The following TMPRSS15 variants were observed in gnomAD, a reference collection of about 807,000 sequenced individuals.
TMPRSS15 encodes enteropeptidase.
TMPRSS15 carries 128 observed loss-of-function variants against 125.3 expected under a neutral mutation model. The ratio of observed to expected loss-of-function variants is 1.02; its 90% CI spans 0.89 to 1.18. The LOEUF (loss-of-function observed/expected upper bound fraction) is 1.18. TMPRSS15 is among the 50% of genes most tolerant of loss of function. The pLI is 0.00. For synonymous variants in TMPRSS15, 446 were observed against 423.2 expected (o/e 1.05, Z -0.66); for missense variants, 1,283 against 1,212.7 (o/e 1.06, Z -0.86).
At chr21:18,326,863 T>C (rs1338236730) in intron 15 of TMPRSS15, among the ~76,000 whole-genome samples, 1 of 152,250 alleles carries the variant, frequency 6.6e-6, no homozygotes, top group South Asian at 2.1e-4. Flanking sequence ...TCAAAGCTCA[T>C]GTTATCCCAG....
At chr21:18,330,562 T>C (rs2075334552) in intron 14 of TMPRSS15, among the ~76,000 whole-genome samples, 2 of 152,200 alleles carry the variant, frequency 1.3e-5, no homozygotes, top group South Asian at 4.1e-4. Context: ...TAACAGTATT[T>C]TGGACATTTT....
chr21:18,413,848 C>T (rs1016958704), intron 1 of TMPRSS15, among the ~76,000 whole-genome samples: 2 of 152,140 alleles, frequency 1.3e-5, no homozygotes, highest in Non-Finnish European at 2.9e-5. Context: ...CCACCTCAGC[C>T]TCCTGAGTAG....
At chr21:18,291,797 G>A (rs889047308) in intron 21 of TMPRSS15, among the ~76,000 whole-genome samples, 5 of 152,110 alleles carry the variant, frequency 3.3e-5, no homozygotes, top group African/African-American at 4.8e-5. Flanking sequence ...AGTAAAATGC[G>A]TGGTTGGTAA....
At chr21:18,423,232 C>T (rs980149355) in intron 1 of TMPRSS15, among the ~76,000 whole-genome samples, 10 of 152,082 alleles carry the variant, frequency 6.6e-5, no homozygotes, top group Non-Finnish European at 4.4e-5. Context: ...TTGCCTCCTC[C>T]CCCAACTGCC....
At chr21:18,444,990 G>A (rs1399439433) in intron 1 of TMPRSS15, among the ~76,000 whole-genome samples, 1 of 151,986 alleles carries the variant, frequency 6.6e-6, no homozygotes, top group Non-Finnish European at 1.5e-5. Flanking sequence ...CATTAAGAGT[G>A]GCAAAACTTT....
intron 3 of TMPRSS15, among the ~76,000 whole-genome samples, chr21:18,387,403 C>G (rs113266955): frequency 1.7e-4 from 26 of 152,170 alleles, no homozygotes; most frequent in African/African-American, 6.0e-4. Flanking sequence ...GTAAACAAGT[C>G]TTTCCTTTCC....
chr21:18,469,319 T>G (rs1020065712), intron 1 of TMPRSS15, among the ~76,000 whole-genome samples: 3 of 152,180 alleles, frequency 2.0e-5, no homozygotes, highest in Non-Finnish European at 4.4e-5. Flanking sequence ...CTTATCTAAA[T>G]TTAATTATGC....
intron 21 of TMPRSS15, among the ~76,000 whole-genome samples, chr21:18,282,937 T>G (rs969848316): frequency 1.3e-5 from 2 of 152,178 alleles, no homozygotes; most frequent in African/African-American, 4.8e-5. Flanking sequence ...AGATAAGCTC[T>G]GCTGTTGCTT....
intron 18 of TMPRSS15, among the ~76,000 whole-genome samples, chr21:18,310,479 C>T (rs1002083778): frequency 1.2e-4 from 18 of 151,430 alleles, no homozygotes; most frequent in African/African-American, 3.6e-4. Flanking sequence ...AAAAAACAAA[C>T]ACCTAGAAAT....
intron 3 of TMPRSS15, among the ~76,000 whole-genome samples, chr21:18,394,761 TAAA>T (rs376872916): frequency 4.9e-4 from 75 of 152,220 alleles, no homozygotes; most frequent in African/African-American, 1.8e-3. Flanking sequence ...ATCTAAATGA[TAAA>T]AAAGCCCCTT....
chr21:18,310,467 A>C (rs949067089), intron 18 of TMPRSS15, among the ~76,000 whole-genome samples: 24 of 146,898 alleles, frequency 1.6e-4, no homozygotes, highest in Admixed American at 1.5e-3. Context: ...AACAATCACA[A>C]AAAAAAACAA....
chr21:18,450,054 T>C (rs1441335838), intron 1 of TMPRSS15, among the ~76,000 whole-genome samples: 1 of 152,178 alleles, frequency 6.6e-6, no homozygotes, highest in Non-Finnish European at 1.5e-5. Context: ...TTAAGTATTT[T>C]ATTTTCAACT....
chr21:18,345,695 C>G (rs1318887667), intron 10 of TMPRSS15, among the ~76,000 whole-genome samples: 2 of 115,966 alleles, frequency 1.7e-5, no homozygotes, highest in African/African-American at 6.5e-5. Context: ...GAGCCGAGGT[C>G]GTGCCACTGC....
Position 18,359,282 on chromosome 21 carries a change from T to G in TMPRSS15, c.880+475A>C, listed in dbSNP as rs371299901. On this transcript the variant is annotated intron_variant, in intron 8 of 24. Transcript: ENST00000284885. ...CCATCCATCCACATCTATCATTTACTTAGCCTACCTCCTTGGCTAGACAGT... is the reference window on the plus strand; with the variant it reads ...CCATCCATCCACATCTATCATTTACGTAGCCTACCTCCTTGGCTAGACAGT... Among the ~76,000 whole-genome samples, 17 of 152,214 alleles carry G rather than the reference T, an allele frequency of 1.1e-4. 1 individual carries two copies. The East Asian group carries it at 1.7e-3, about 16-fold the overall frequency.
chr21:18,315,076 T>C, intron 17 of TMPRSS15, 70 bp downstream of exon 17: 2 of 1,206,146 alleles, frequency 1.7e-6, no homozygotes, highest in South Asian at 2.4e-5. Context: ...TTATAATCTT[T>C]CTTTGACACT....
chr21:18,343,800 T>C (rs575336510), intron 11 of TMPRSS15, 144 bp from the exon 12 acceptor site: 1 of 1,138,600 alleles, frequency 8.8e-7, no homozygotes, highest in African/African-American at 1.5e-5. Flanking sequence ...GGGAGAGGTG[T>C]CTATCAATGT....
chr21:18,370,208 A>G lies in TMPRSS15; in HGVS notation c.664+1985T>C, dbSNP rs540697149. Among the ~76,000 whole-genome samples, 8 of 152,236 alleles carry G rather than the reference A, an allele frequency of 5.3e-5. No homozygotes were observed. The South Asian group carries it at 1.2e-3, about 24-fold the overall frequency. On this transcript the variant is annotated intron_variant, in intron 6 of 24. Coordinates refer to ENST00000284885, the MANE Select transcript of TMPRSS15 (RefSeq NM_002772.3). ...AGAGTGGCTCATAAAAATGATTCAT[A>G]GCATTAAAACTTATTTTAGGACAAA... is the stretch of plus-strand genomic sequence containing the variant.
In TMPRSS15 at chr21:18,269,803, A is replaced by AT; in HGVS notation, c.*165dup. ...CTGTATTGCTATGGTGAATTTTATT[A>AT]TTTTTAAAATTTTGTTTCCCTGGCC... On this transcript the variant is annotated 3_prime_UTR_variant, in exon 25 of 25. Transcript: ENST00000284885. 1 of 700,154 alleles carries AT rather than the reference A, an allele frequency of 1.4e-6. No homozygotes were observed. Among genetic ancestry groups the AT allele is most frequent in the Non-Finnish European group, 2.4e-6 (1 of 425,384 alleles). 43.4% of individuals were successfully genotyped at this position (700,154 alleles called of 1,614,324 possible).
At chr21:18,314,219 C>T (rs1347197226) in intron 17 of TMPRSS15, among the ~76,000 whole-genome samples, 1 of 152,126 alleles carries the variant, frequency 6.6e-6, no homozygotes, top group Non-Finnish European at 1.5e-5. Context: ...GGGTGTGCAA[C>T]CTTTGGCAGC....
Sources: gnomAD v4.1 joint callset for allele counts (sites outside exome capture counted in the v4.1 genomes callset) on GRCh38, gnomAD v4.1.1 for gene constraint, MANE v1.5 for transcripts, NCBI Gene and HGNC (gene_info 2026-07-23, HGNC 2026-07-21) for gene names.